SPAG16: variants seen among roughly 807,000 people sequenced by gnomAD.
SPAG16 encodes sperm-associated antigen 16 protein.
Under a neutral mutation model 80.4 loss-of-function variants are expected in SPAG16, and 86 were observed. The ratio of observed to expected loss-of-function variants is 1.07; its 90% confidence interval spans 0.90 to 1.28. The LOEUF is 1.28. Ranked by LOEUF, SPAG16 falls within the 50% of genes most tolerant of loss-of-function variation. The pLI is 0.00. For missense variants in SPAG16, 870 were observed against 765.3 expected, an observed-to-expected ratio of 1.14 and a Z score of -1.61; for synonymous variants, 294 against 265.9, an observed-to-expected ratio of 1.11 and a Z score of -1.03.
intron 12 of SPAG16, among the ~76,000 whole-genome samples, chr2:214,005,737 A>G (rs1458313889): frequency 2.0e-5 from 3 of 152,234 alleles, no homozygotes; most frequent in Non-Finnish European, 4.4e-5. Context: ...TGTTTTCATT[A>G]TAAAAGTATT....
chr2:213,473,569 C>T (rs2073205722), intron 9 of SPAG16, among the ~76,000 whole-genome samples: 1 of 152,104 alleles, frequency 6.6e-6, no homozygotes, highest in Admixed American at 6.6e-5. Flanking sequence ...TATATTAAAC[C>T]AAGGGAGATC....
chr2:213,769,344 G>T (rs139691214), intron 10 of SPAG16, among the ~76,000 whole-genome samples: 268 of 152,234 alleles, frequency 1.8e-3, no homozygotes, highest in Middle Eastern at 6.8e-3. Flanking sequence ...TACATCCTTA[G>T]TTCATTTGCG....
chr2:213,827,202 C>T (rs1466059882), intron 10 of SPAG16, among the ~76,000 whole-genome samples: 1 of 151,442 alleles, frequency 6.6e-6, no homozygotes, highest in Non-Finnish European at 1.5e-5. Flanking sequence ...TATTAATGAC[C>T]TACTCTGGCC....
chr2:214,162,143 A>G (rs897139165), intron 15 of SPAG16, among the ~76,000 whole-genome samples: 1 of 152,112 alleles, frequency 6.6e-6, no homozygotes, highest in African/African-American at 2.4e-5. Context: ...CTTATCAGAA[A>G]GCTTCAGGAC....
At chr2:214,046,856 T>C (rs894690553) in intron 13 of SPAG16, among the ~76,000 whole-genome samples, 6 of 151,576 alleles carry the variant, frequency 4.0e-5, no homozygotes, top group African/African-American at 1.5e-4. Context: ...GGATAAAAAA[T>C]TAATATACAA....
intron 10 of SPAG16, among the ~76,000 whole-genome samples, chr2:213,637,389 G>A (rs1431820087): frequency 5.3e-5 from 8 of 152,164 alleles, no homozygotes; most frequent in Non-Finnish European, 1.0e-4. Context: ...AGGCATATTG[G>A]TCTGTAGTTT....
intron 10 of SPAG16, among the ~76,000 whole-genome samples, chr2:213,729,590 C>G (rs1424067359): frequency 3.3e-5 from 5 of 152,136 alleles, no homozygotes; most frequent in African/African-American, 4.8e-5. Context: ...TCCTTTGCCT[C>G]TGGAATTGAT....
chr2:214,005,139 G>T (rs1011587420), intron 12 of SPAG16, among the ~76,000 whole-genome samples: 5 of 151,978 alleles, frequency 3.3e-5, no homozygotes, highest in Non-Finnish European at 7.4e-5. Context: ...TATATTTTCG[G>T]TTTTCCAGTT....
At chr2:213,676,978 C>G (rs2064114694) in intron 10 of SPAG16, among the ~76,000 whole-genome samples, 1 of 151,340 alleles carries the variant, frequency 6.6e-6, no homozygotes, top group Admixed American at 6.6e-5. Flanking sequence ...CTCCTTGTAC[C>G]TCTGGTAGAA....
chr2:214,295,721 G>A (rs771161519), intron 15 of SPAG16, among the ~76,000 whole-genome samples: 3 of 152,050 alleles, frequency 2.0e-5, no homozygotes, highest in Non-Finnish European at 2.9e-5. Flanking sequence ...AACCCAGGAG[G>A]CGGAGGTTGC....
chr2:213,378,368 T>C (rs181766617), intron 9 of SPAG16, among the ~76,000 whole-genome samples: 2 of 152,200 alleles, frequency 1.3e-5, no homozygotes, highest in Admixed American at 1.3e-4. Context: ...CCCATACATA[T>C]CTGCTGAGAT....
chr2:214,041,154 C>A (rs1033140531), intron 13 of SPAG16, among the ~76,000 whole-genome samples: 6 of 150,320 alleles, frequency 4.0e-5, no homozygotes, highest in Non-Finnish European at 7.4e-5. Context: ...ATGATTTTGT[C>A]TTTTTAAATC....
At chr2:213,630,250 G>A (rs1203656524) in intron 10 of SPAG16, among the ~76,000 whole-genome samples, 2 of 152,162 alleles carry the variant, frequency 1.3e-5, no homozygotes, top group East Asian at 3.9e-4. Context: ...TGGGCATGGT[G>A]GCAGATGCCT....
At chr2:214,143,163 A>C (rs1199558070) in intron 14 of SPAG16, among the ~76,000 whole-genome samples, 1 of 151,260 alleles carries the variant, frequency 6.6e-6, no homozygotes, top group Non-Finnish European at 1.5e-5. Context: ...AGGCAACTTA[A>C]TTAAGCTTTC....
chr2:213,823,525 T>C (rs756163138), intron 10 of SPAG16, among the ~76,000 whole-genome samples: 3 of 152,058 alleles, frequency 2.0e-5, no homozygotes, highest in Admixed American at 6.6e-5. Flanking sequence ...CATGCCCGAC[T>C]AATTTTGTAT....
At chr2:213,950,626 C>T (rs2079705564) in intron 12 of SPAG16, among the ~76,000 whole-genome samples, 1 of 151,492 alleles carries the variant, frequency 6.6e-6, no homozygotes, top group African/African-American at 2.4e-5. Context: ...TGCTTCCTTC[C>T]TTCCTTGCTT....
intron 10 of SPAG16, among the ~76,000 whole-genome samples, chr2:213,702,560 C>T (rs912838523): frequency 6.6e-6 from 1 of 152,146 alleles, no homozygotes; most frequent in African/African-American, 2.4e-5. Flanking sequence ...GTTGGCGAGA[C>T]CAAGAACCCA....
intron 11 of SPAG16, among the ~76,000 whole-genome samples, chr2:213,873,473 A>G (rs969148844): frequency 6.6e-6 from 1 of 151,584 alleles, no homozygotes; most frequent in African/African-American, 2.4e-5. Flanking sequence ...TGAATTTTCT[A>G]TATATTTTTA....
chr2:214,044,327 C>T (rs1392030046), intron 13 of SPAG16, among the ~76,000 whole-genome samples: 1 of 152,144 alleles, frequency 6.6e-6, no homozygotes, highest in African/African-American at 2.4e-5. Context: ...TCTTTCCATT[C>T]ATAAAATACT....
Sources: allele counts gnomAD v4.1 joint callset (sites outside exome capture counted in the v4.1 genomes callset), GRCh38; gene constraint gnomAD v4.1.1; transcripts MANE v1.5; gene names NCBI Gene and HGNC (gene_info 2026-07-23, HGNC 2026-07-21).